PPFIBP2: variants seen among roughly 807,000 people sequenced by gnomAD.
The protein encoded by PPFIBP2 is PPFIB scaffold protein 2.
In PPFIBP2, 118 loss-of-function variants were observed where a neutral mutation model predicts 118.3. The ratio of observed to expected loss-of-function variants is 1.00; its 90% confidence interval spans 0.86 to 1.16. PPFIBP2 has a LOEUF of 1.16. Among genes scored for constraint, PPFIBP2 ranks in the 50% most tolerant of loss-of-function variants. The pLI, the probability that PPFIBP2 is intolerant of heterozygous loss-of-function variation, is 0.00. For missense variants in PPFIBP2, 1,195 were observed against 1,073.1 expected, an observed-to-expected ratio of 1.11 and a Z score of -1.59; for synonymous variants, 414 against 397.4, an observed-to-expected ratio of 1.04 and a Z score of -0.50.
At chr11:7,598,544 G>A (rs12225485) in intron 5 of PPFIBP2, 18,406 of 153,928 alleles carry the variant, frequency 0.12, 2,148 homozygotes, top group African/African-American at 0.29. Flanking sequence ...TTTTCCTTAA[G>A]TCATTCTTAC....
At chr11:7,650,247 TC>T (rs958197396) in intron 21 of PPFIBP2, among the ~76,000 whole-genome samples, 5 of 152,188 alleles carry the variant, frequency 3.3e-5, no homozygotes, top group Non-Finnish European at 7.3e-5. Flanking sequence ...TCTCCTCTGT[TC>T]CTGGGAACTA....
the PPFIBP2 span, chr11:7,665,793 C>G: frequency 6.7e-6 from 10 of 1,488,352 alleles, no homozygotes; most frequent in Non-Finnish European, 8.1e-6. Context: ...CAGCTGTCAG[C>G]ATTGACGAGG....
In PPFIBP2 at chr11:7,650,952, A is replaced by T. The variant is rs772764773; in HGVS notation, c.2234A>T (p.His745Leu). Residue 745 changes from histidine to leucine, a missense_variant, in exon 22 of 24, where the codon CAT becomes CTT. His to Leu is a moderately conservative substitution (Grantham distance 99). Coordinates refer to ENST00000299492, the MANE Select transcript of PPFIBP2 (RefSeq NM_003621.5). ...YAPNLRGSGV[H>L]GGLIILEPRF... ...CCCAATCTTCGAGGGAGTGGAGTCC[A>T]TGGAGGCCTCATTGTGAGTGGCTCT... The T allele has an allele frequency of 6.2e-7, 1 of 1,613,638 alleles. No homozygotes were observed. The highest frequency in any genetic ancestry group is 2.2e-5 in the East Asian group (1 of 44,880).
intron 1 of PPFIBP2, among the ~76,000 whole-genome samples, chr11:7,540,377 C>T (rs1025590548): frequency 6.6e-6 from 1 of 152,054 alleles, no homozygotes; most frequent in Admixed American, 6.5e-5. Flanking sequence ...GAGATTTTAC[C>T]GGATCTGGTG....
chr11:7,561,224 C>A (rs1386671555), intron 2 of PPFIBP2, among the ~76,000 whole-genome samples: 1 of 152,150 alleles, frequency 6.6e-6, no homozygotes, highest in Non-Finnish European at 1.5e-5. Context: ...TGCCACCATG[C>A]TTGGCTAATT....
intron 6 of PPFIBP2, chr11:7,617,430 G>A: frequency 2.1e-6 from 1 of 474,522 alleles, no homozygotes; most frequent in South Asian, 8.8e-5. Context: ...GCAGAGCTTG[G>A]ACTCACTCAA....
At chr11:7,592,560 T>G (rs572597318) in intron 3 of PPFIBP2, among the ~76,000 whole-genome samples, 1 of 151,276 alleles carries the variant, frequency 6.6e-6, no homozygotes, top group South Asian at 2.1e-4. Flanking sequence ...GAGGGTGGGA[T>G]TGGGGTGGGA....
chr11:7,584,005 T>A (rs558792463), intron 3 of PPFIBP2, among the ~76,000 whole-genome samples: 3 of 152,342 alleles, frequency 2.0e-5, no homozygotes, highest in Admixed American at 2.0e-4. Context: ...GAAGGTGAAA[T>A]GTTTTTGTCT....
intron 2 of PPFIBP2, among the ~76,000 whole-genome samples, chr11:7,563,856 G>A (rs1854623574): frequency 6.6e-6 from 1 of 152,138 alleles, no homozygotes; most frequent in Non-Finnish European, 1.5e-5. Context: ...TGCTGCTGTT[G>A]TTAAATAGGT....
rs1859660651 is a variant in PPFIBP2, at chr11:7,593,224, G to A, written c.372G>A (p.Gln124=). The A allele has an allele frequency of 6.2e-7, 1 of 1,613,624 alleles. No homozygotes were observed. The highest frequency in any genetic ancestry group is 1.3e-5 in the African/African-American group (1 of 74,996). ...GGGATAAGGAGTCCCTCATATTGCA[G>A]GTGGGTACTTTTTGGTGAGAATCGG... ...LEGDKESLIL[Q]VSVLTDQVEA... The change falls in exon 4 of 24, where the codon CAG becomes CAA. Residue 124 remains glutamine (Q), a splice_region_variant and synonymous_variant. Coordinates refer to ENST00000299492, the MANE Select transcript of PPFIBP2 (RefSeq NM_003621.5).
chr11:7,628,253 A>G (rs775259508), intron 8 of PPFIBP2, 32 bp from the exon 9 acceptor site: 3 of 1,581,662 alleles, frequency 1.9e-6, no homozygotes, highest in Non-Finnish European at 2.6e-6. Flanking sequence ...GTATTTATAT[A>G]AATAATTATT....
chr11:7,657,218 A>G (rs554908092), downstream of PPFIBP2: 24 of 177,248 alleles, frequency 1.4e-4, 1 homozygote, highest in Non-Finnish European at 8.4e-5. Flanking sequence ...TGTTCTGTAG[A>G]GACTGTGTTT....
intron 3 of PPFIBP2, among the ~76,000 whole-genome samples, chr11:7,581,404 T>G (rs1202177288): frequency 6.6e-6 from 1 of 152,240 alleles, no homozygotes; most frequent in Non-Finnish European, 1.5e-5. Context: ...CTTAAGCAAA[T>G]TCCAACTGTA....
At chr11:7,621,489 TC>T (rs1265356859) in intron 7 of PPFIBP2, among the ~76,000 whole-genome samples, 1 of 152,202 alleles carries the variant, frequency 6.6e-6, no homozygotes, top group Non-Finnish European at 1.5e-5. Flanking sequence ...AATTATTTCT[TC>T]AATCAAATCA....
chr11:7,666,831 G>A, the PPFIBP2 span: 11 of 291,840 alleles, frequency 3.8e-5, no homozygotes, highest in Non-Finnish European at 7.2e-5. Context: ...TTAGCCAAGC[G>A]CTGGCCAGGA....
intron 7 of PPFIBP2, 32 bp from the exon 8 acceptor site, chr11:7,625,745 G>A: frequency 6.3e-6 from 10 of 1,588,780 alleles, no homozygotes; most frequent in Non-Finnish European, 7.8e-6. Flanking sequence ...CAGTCCTTCT[G>A]ACCTGGTAGG....
At chr11:7,546,681 C>T (rs994731312) in intron 1 of PPFIBP2, among the ~76,000 whole-genome samples, 1 of 152,228 alleles carries the variant, frequency 6.6e-6, no homozygotes, top group African/African-American at 2.4e-5. Context: ...GCTGGGTGCT[C>T]CTGCGTAATC....
At chr11:7,645,446 A>G (rs1461227986) in intron 17 of PPFIBP2, among the ~76,000 whole-genome samples, 8 of 152,232 alleles carry the variant, frequency 5.3e-5, no homozygotes, top group Non-Finnish European at 1.2e-4. Context: ...TCTCAGCTAC[A>G]TCATTTGAAC....
the PPFIBP2 span, among the ~76,000 whole-genome samples, chr11:7,663,357 C>T: frequency 2.0e-5 from 3 of 151,114 alleles, no homozygotes; most frequent in South Asian, 6.3e-4. Context: ...TGTTAGTTTT[C>T]CTTCTAACAG....
Sources: gnomAD v4.1 joint callset for allele counts (sites outside exome capture counted in the v4.1 genomes callset) on GRCh38, gnomAD v4.1.1 for gene constraint, MANE v1.5 for transcripts, NCBI Gene and HGNC (gene_info 2026-07-23, HGNC 2026-07-21) for gene names.